B4GALT5: variants seen among roughly 807,000 people sequenced by gnomAD.
B4GALT5 encodes beta-1,4-galactosyltransferase 5.
Under a neutral mutation model 45.0 loss-of-function variants are expected in B4GALT5, and 11 were observed. The observed-to-expected ratio is 0.24, with a 90% CI of 0.15 to 0.40. The LOEUF (loss-of-function observed/expected upper bound fraction) is 0.40. Ranked by LOEUF, B4GALT5 falls within the 10% of genes least tolerant of loss-of-function variation. The pLI, the probability that B4GALT5 is intolerant of heterozygous loss-of-function variation, is 1.00. For missense variants in B4GALT5, 337 were observed against 500.2 expected (o/e 0.67, Z 3.11); for synonymous variants, 185 against 182.9 (o/e 1.01, Z -0.09).
At chr20:49,679,246 T>A (rs1279033047) in intron 1 of B4GALT5, among the ~76,000 whole-genome samples, 1 of 152,204 alleles carries the variant, frequency 6.6e-6, no homozygotes, top group Non-Finnish European at 1.5e-5. Flanking sequence ...TTTTTTTGAC[T>A]AAAAAGGGTT....
rs199710789 is a variant in B4GALT5, at chr20:49,636,262, G to A, written c.*50C>T. On this transcript the variant is annotated 3_prime_UTR_variant, in exon 9 of 9. Coordinates refer to ENST00000371711, the MANE Select transcript of B4GALT5 (RefSeq NM_004776.4). Reference sequence around the variant, plus strand: ...CCCCCCTCCAAAAAAAAATCTCATCGGACTGCTTTCTTGGTGGCGGTGGGT... The same window carrying A: ...CCCCCCTCCAAAAAAAAATCTCATCAGACTGCTTTCTTGGTGGCGGTGGGT... The A allele has an allele frequency of 9.4e-6, 15 of 1,602,936 alleles. No individual in the cohort carries two copies. The highest frequency in any genetic ancestry group is 1.7e-5 in the Admixed American group (1 of 58,708).
At chr20:49,659,287 G>C (rs1451876273) in intron 1 of B4GALT5, among the ~76,000 whole-genome samples, 1 of 152,110 alleles carries the variant, frequency 6.6e-6, no homozygotes. Flanking sequence ...CTTTATCCCT[G>C]AGCTGCTGCT....
chr20:49,637,245 G>T, intron 8 of B4GALT5, 96 bp downstream of exon 8: 1 of 1,069,750 alleles, frequency 9.3e-7, no homozygotes, highest in Non-Finnish European at 1.4e-6. Flanking sequence ...GGGCCTCGGG[G>T]TGGGGAGTAG....
chr20:49,660,700 T>C (rs79250921), intron 1 of B4GALT5, among the ~76,000 whole-genome samples: 1,848 of 152,286 alleles, frequency 0.012, 30 homozygotes, highest in African/African-American at 0.042. Context: ...AAAGTCTTGT[T>C]ACCGGTTGGG....
Position 49,640,658 on chromosome 20 carries a change from G to T in B4GALT5, c.614C>A (p.Thr205Asn), listed in dbSNP as rs746313658. ...FAFYVVEQVG[T>N]QPFNRAMLFN... ...AAGCATGGCTCGATTAAAGGGTTGG[G>T]TACCAACCTAAAAGAAACAGAACTT... The change falls in exon 6 of 9, where the codon ACC becomes AAC. Residue 205 changes from threonine (T) to asparagine (N), a missense_variant. By Grantham distance (65) the Thr-to-Asn change is moderately conservative (BLOSUM62 0). This residue lies in a region of B4GALT5 where 163 missense variants were observed against 292.8 expected (regional missense o/e 0.56). Transcript: ENST00000371711. The T allele has an allele frequency of 1.3e-6, 2 of 1,597,888 alleles. No homozygotes were observed. The highest frequency in any genetic ancestry group is 1.7e-6 in the Non-Finnish European group (2 of 1,175,428).
chr20:49,674,963 C>G (rs2085731542), intron 1 of B4GALT5, among the ~76,000 whole-genome samples: 1 of 152,114 alleles, frequency 6.6e-6, no homozygotes, highest in African/African-American at 2.4e-5. Flanking sequence ...AGATCTCAGA[C>G]AATGCTGCTC....
intron 1 of B4GALT5, among the ~76,000 whole-genome samples, chr20:49,675,252 C>T (rs2085732611): frequency 6.6e-6 from 1 of 152,138 alleles, no homozygotes; most frequent in Admixed American, 6.5e-5. Flanking sequence ...ATTCCCAAGC[C>T]CACACACCCC....
At chr20:49,657,983 T>C (rs997944978) in intron 1 of B4GALT5, among the ~76,000 whole-genome samples, 2 of 152,118 alleles carry the variant, frequency 1.3e-5, no homozygotes, top group Non-Finnish European at 2.9e-5. Flanking sequence ...TTGAAATCTT[T>C]CGAAAGATTT....
At chr20:49,666,824 A>T (rs932234536) in intron 1 of B4GALT5, among the ~76,000 whole-genome samples, 1 of 152,216 alleles carries the variant, frequency 6.6e-6, no homozygotes, top group Non-Finnish European at 1.5e-5. Context: ...AAATAATTCA[A>T]CCTTACCCCC....
At chr20:49,712,946 AG>A (rs2085923440) in intron 1 of B4GALT5, among the ~76,000 whole-genome samples, 1 of 150,344 alleles carries the variant, frequency 6.7e-6, no homozygotes, top group Non-Finnish European at 1.5e-5. Flanking sequence ...GCAGGCAGAG[AG>A]ATCAGGCCAC....
intron 1 of B4GALT5, among the ~76,000 whole-genome samples, chr20:49,668,637 G>A (rs938215756): frequency 3.9e-5 from 6 of 152,092 alleles, no homozygotes; most frequent in Non-Finnish European, 8.8e-5. Context: ...TGTTGCTGAT[G>A]GGAATGTGCT....
At chr20:49,677,899 C>T (rs2085745936) in intron 1 of B4GALT5, among the ~76,000 whole-genome samples, 1 of 152,188 alleles carries the variant, frequency 6.6e-6, no homozygotes, top group Admixed American at 6.5e-5. Context: ...GCATGTGCCA[C>T]CATGCCCAGC....
At chr20:49,711,137 CT>C (rs2085909247) in intron 1 of B4GALT5, among the ~76,000 whole-genome samples, 2 of 151,944 alleles carry the variant, frequency 1.3e-5, no homozygotes, top group South Asian at 4.2e-4. Context: ...ACTCCACATC[CT>C]TTTTTTATTG....
At position 49,639,849 on chromosome 20, in the gene B4GALT5, G is replaced by C. The variant is rs775863629; in HGVS notation, c.795-49C>G. ...ATCATCTGTGTGTTACAGGGTAACT[G>C]TTTTCCCTAGAAGGTTCTCATTTGA... On this transcript the variant is annotated intron_variant, in intron 6 of 8. Transcript: ENST00000371711. 21 of 1,600,322 alleles carry C rather than the reference G, an allele frequency of 1.3e-5. No homozygotes were observed. The African/African-American group carries it at 2.5e-4, about 19-fold the overall frequency.
intron 1 of B4GALT5, chr20:49,684,668 A>G: frequency 1.9e-6 from 1 of 518,340 alleles, no homozygotes; most frequent in Non-Finnish European, 3.9e-6. Flanking sequence ...CAACAGAAAG[A>G]AATCAAGGCA....
At chr20:49,651,935 C>T (rs562057005) in intron 2 of B4GALT5, among the ~76,000 whole-genome samples, 18 of 150,532 alleles carry the variant, frequency 1.2e-4, no homozygotes, top group East Asian at 9.9e-4. Context: ...AAAAATTAGC[C>T]GGGGGTGGTG....
At chr20:49,643,382 T>C (rs985751082) in intron 4 of B4GALT5, 144 bp downstream of exon 4, 1 of 1,097,022 alleles carries the variant, frequency 9.1e-7, no homozygotes, top group Admixed American at 2.7e-5. Flanking sequence ...TGGAAACCCA[T>C]TCCTCTAAAA....
At chr20:49,682,861 G>C (rs1253752488) in intron 1 of B4GALT5, among the ~76,000 whole-genome samples, 1 of 152,178 alleles carries the variant, frequency 6.6e-6, no homozygotes, top group East Asian at 1.9e-4. Context: ...AGGAGGTTAA[G>C]GCAGGAGGAT....
intron 7 of B4GALT5, among the ~76,000 whole-genome samples, chr20:49,638,144 G>A (rs1418051889): frequency 1.3e-5 from 2 of 151,718 alleles, no homozygotes; most frequent in African/African-American, 4.8e-5. Context: ...TCAGCCTCCT[G>A]AGTAGCTGGG....
Sources: allele counts gnomAD v4.1 joint callset (sites outside exome capture counted in the v4.1 genomes callset), GRCh38; gene constraint gnomAD v4.1.1; regional missense constraint gnomAD v4.1.1; transcripts MANE v1.5; gene names NCBI Gene and HGNC (gene_info 2026-07-23, HGNC 2026-07-21).